AGBL1: variants seen among roughly 807,000 people sequenced by gnomAD.
AGBL1 encodes the protein AGBL carboxypeptidase 1.
Under a neutral mutation model 118.9 loss-of-function variants are expected in AGBL1, and 130 were observed. That is an observed-to-expected ratio of 1.09 (90% confidence interval 0.95 to 1.26). The LOEUF (loss-of-function observed/expected upper bound fraction) is 1.26, where lower values mean the gene tolerates loss of function less well. Among genes scored for constraint, AGBL1 ranks in the 50% most tolerant of loss-of-function variants. The pLI is 0.00. For synonymous variants in AGBL1, 555 were observed against 478.9 expected (o/e 1.16, Z -2.08); for missense variants, 1,584 against 1,298.1 (o/e 1.22, Z -3.38).
chr15:86,872,675 G>C (rs1343872387), intron 22 of AGBL1, among the ~76,000 whole-genome samples: 1 of 152,200 alleles, frequency 6.6e-6, no homozygotes, highest in East Asian at 1.9e-4. Flanking sequence ...AGAATCGCTT[G>C]AACCTGGGAG....
At chr15:86,468,941 A>G (rs1407642632) in intron 18 of AGBL1, among the ~76,000 whole-genome samples, 2 of 152,142 alleles carry the variant, frequency 1.3e-5, no homozygotes, top group Non-Finnish European at 2.9e-5. Flanking sequence ...GTCTTTATCA[A>G]GGTATAATTT....
intron 16 of AGBL1, among the ~76,000 whole-genome samples, chr15:86,291,309 A>G (rs1323163361): frequency 1.3e-5 from 2 of 152,184 alleles, no homozygotes; most frequent in African/African-American, 4.8e-5. Flanking sequence ...TGCAGAAGAA[A>G]TATGAGCCAA....
At chr15:86,271,755 C>T (rs2079166106) in intron 15 of AGBL1, 49 bp downstream of exon 15, 1 of 1,500,386 alleles carries the variant, frequency 6.7e-7, no homozygotes, top group Non-Finnish European at 9.3e-7. Flanking sequence ...GTAATTTTCT[C>T]TCAATTTCCC....
At chr15:86,138,737 A>G (rs2076921995) in intron 1 of AGBL1, among the ~76,000 whole-genome samples, 1 of 150,752 alleles carries the variant, frequency 6.6e-6, no homozygotes, top group Non-Finnish European at 1.5e-5. Flanking sequence ...TTCCTTGCTC[A>G]TGATTTATAA....
chr15:86,183,157 C>T (rs1169479424), intron 5 of AGBL1, among the ~76,000 whole-genome samples: 4 of 152,186 alleles, frequency 2.6e-5, no homozygotes, highest in African/African-American at 9.6e-5. Context: ...TCTGTCCGAT[C>T]TCTGGCTATC....
intron 22 of AGBL1, among the ~76,000 whole-genome samples, chr15:86,682,218 T>A (rs1223880610): frequency 6.6e-6 from 1 of 152,170 alleles, no homozygotes; most frequent in South Asian, 2.1e-4. Context: ...TATTATAGAT[T>A]ATGAGTACCA....
intron 18 of AGBL1, among the ~76,000 whole-genome samples, chr15:86,477,502 G>A (rs917898811): frequency 1.3e-5 from 2 of 152,086 alleles, no homozygotes; most frequent in African/African-American, 4.8e-5. Flanking sequence ...TAAATTCCTG[G>A]GCACATACAC....
chr15:86,709,626 C>T (rs534641495), intron 22 of AGBL1, among the ~76,000 whole-genome samples: 58 of 152,160 alleles, frequency 3.8e-4, no homozygotes, highest in African/African-American at 1.3e-3. Context: ...AAAGAATAGC[C>T]AACACAATCT....
chr15:86,649,928 C>G (rs1038396825), intron 21 of AGBL1, among the ~76,000 whole-genome samples: 2 of 152,138 alleles, frequency 1.3e-5, no homozygotes, highest in Non-Finnish European at 2.9e-5. Flanking sequence ...TTATCAATAA[C>G]TCACTCACCA....
chr15:86,505,326 CT>C (rs34220051), intron 18 of AGBL1, among the ~76,000 whole-genome samples: 86,236 of 151,338 alleles, frequency 0.57, 25,171 homozygotes, highest in East Asian at 0.76. Context: ...TCAGCCATTA[CT>C]TTTTTTTAAC....
At chr15:86,826,703 C>G (rs950976348) in intron 22 of AGBL1, among the ~76,000 whole-genome samples, 1 of 152,072 alleles carries the variant, frequency 6.6e-6, no homozygotes. Flanking sequence ...TGCACTAACA[C>G]AGTAAGAAAT....
chr15:86,515,816 T>C lies in AGBL1; in HGVS notation c.2556-6994T>C, dbSNP rs146027875. On this transcript the variant is annotated intron_variant, in intron 18 of 22. Coordinates refer to ENST00000614907, the MANE Select transcript of AGBL1 (RefSeq NM_001386094.1). ...GTATCTGAGACAGATCTCAATCAATTTAAAAAGTTTGTTTTGGCAGTGTTA... is the reference window on the plus strand; with the variant it reads ...GTATCTGAGACAGATCTCAATCAATCTAAAAAGTTTGTTTTGGCAGTGTTA... Among the ~76,000 whole-genome samples the C allele has an allele frequency of 1.0e-3, 155 of 152,314 alleles. 1 individual carries two copies. Among genetic ancestry groups the C allele is most frequent in the Admixed American group, 2.1e-3 (32 of 15,308 alleles).
chr15:86,088,903 C>T (rs1037993475), intron 1 of AGBL1, among the ~76,000 whole-genome samples: 5 of 152,156 alleles, frequency 3.3e-5, no homozygotes, highest in African/African-American at 2.4e-5. Flanking sequence ...TGCTCCTTTT[C>T]TTCTTCCATC....
chr15:86,442,491 A>C (rs933397519), intron 18 of AGBL1, among the ~76,000 whole-genome samples: 1 of 152,244 alleles, frequency 6.6e-6, no homozygotes, highest in Non-Finnish European at 1.5e-5. Context: ...CCGGAGCCTG[A>C]GTCAAAGTAT....
At chr15:86,750,001 G>T (rs1311335138) in intron 22 of AGBL1, among the ~76,000 whole-genome samples, 3 of 152,080 alleles carry the variant, frequency 2.0e-5, no homozygotes, top group African/African-American at 7.2e-5. Flanking sequence ...CCAGGCTTTG[G>T]TATCAGGATG....
chr15:86,692,389 A>G (rs895623076), intron 22 of AGBL1, among the ~76,000 whole-genome samples: 2 of 151,942 alleles, frequency 1.3e-5, no homozygotes, highest in Non-Finnish European at 2.9e-5. Flanking sequence ...AGAAGTGGGA[A>G]GTTAGTATCA....
At chr15:86,495,369 A>AT (rs200309461) in intron 18 of AGBL1, among the ~76,000 whole-genome samples, 17 of 147,984 alleles carry the variant, frequency 1.1e-4, no homozygotes, top group East Asian at 1.0e-3. Context: ...TGTGAAAGGT[A>AT]TTTTTTTTTA....
chr15:86,930,951 A>G (rs550457917), intron 23 of AGBL1, among the ~76,000 whole-genome samples: 9 of 152,284 alleles, frequency 5.9e-5, no homozygotes, highest in African/African-American at 1.9e-4. Context: ...TAAATCCCTT[A>G]GTTGTTTTTC....
intron 23 of AGBL1, among the ~76,000 whole-genome samples, chr15:86,944,462 G>A (rs897697913): frequency 3.3e-5 from 5 of 152,124 alleles, no homozygotes; most frequent in African/African-American, 1.2e-4. Flanking sequence ...ACCATTCGGG[G>A]AACATACTGA....
Sources: gnomAD v4.1 joint callset for allele counts (sites outside exome capture counted in the v4.1 genomes callset) on GRCh38, gnomAD v4.1.1 for gene constraint, MANE v1.5 for transcripts, NCBI Gene and HGNC (gene_info 2026-07-23, HGNC 2026-07-21) for gene names.